Variants in CILP observed in about 807,000 individuals in gnomAD.
The protein encoded by CILP is cartilage intermediate layer protein 1.
CILP carries 75 observed loss-of-function variants against 82.5 expected under a neutral mutation model. The ratio of observed to expected loss-of-function variants is 0.91; its 90% CI spans 0.75 to 1.10. The LOEUF is 1.10. Among genes scored for constraint, CILP ranks in the 50% least tolerant of loss-of-function variants. The pLI is 0.00. For missense variants in CILP, 1,479 were observed against 1,530.8 expected (o/e 0.97, Z 0.56); for synonymous variants, 530 against 580.3 (o/e 0.91, Z 1.25).
chr15:65,211,302 G>T, intron 1 of CILP, 126 bp downstream of exon 1: 1 of 152,616 alleles, frequency 6.6e-6, no homozygotes. Flanking sequence ...GGGAGATGAA[G>T]GATCAGGCAG....
In CILP at chr15:65,197,450, G is replaced by T. The variant is rs1433126495; in HGVS notation, c.2836C>A (p.Pro946Thr). Residue 946 changes from proline to threonine, a missense_variant, in exon 9 of 9, where the codon CCA becomes ACA. Coordinates refer to ENST00000261883, the MANE Select transcript of CILP (RefSeq NM_003613.4). ...CAGGCCCTGAATTCCATCGGCTTTG[G>T]CCACCATGCCAGATAGTCTTCAGTC... The part of the protein sequence containing the change: ...SWTEDYLAWW[P>T]KPMEFRACYI... The T allele has an allele frequency of 1.2e-6, 2 of 1,614,098 alleles. No individual in the cohort carries two copies. The highest frequency in any genetic ancestry group is 1.7e-6 in the Non-Finnish European group (2 of 1,180,048).
chr15:65,208,925 G>A (rs113178347), intron 2 of CILP, among the ~76,000 whole-genome samples: 208 of 152,018 alleles, frequency 1.4e-3, no homozygotes, highest in African/African-American at 4.8e-3. Context: ...CACATACAGG[G>A]GTTGGCTCCA....
intron 7 of CILP, among the ~76,000 whole-genome samples, chr15:65,202,621 T>C (rs995087701): frequency 6.6e-5 from 10 of 151,706 alleles, no homozygotes; most frequent in Non-Finnish European, 1.0e-4. Flanking sequence ...AGATATGGGG[T>C]TTCACCATGT....
In CILP at chr15:65,204,012, G is replaced by A. The variant is rs188255122; in HGVS notation, c.919+256C>T. Among the ~76,000 whole-genome samples the A allele has an allele frequency of 1.1e-4, 17 of 152,368 alleles. No individual in the cohort carries two copies. The East Asian group carries it at 2.9e-3, about 26-fold the overall frequency. ...ATGCAGCAAGCACGAAGGCCCTGAGGCAGGAATGTGCCTGTGTGTTTGAGG... is the reference window on the plus strand; with the variant it reads ...ATGCAGCAAGCACGAAGGCCCTGAGACAGGAATGTGCCTGTGTGTTTGAGG... On this transcript the variant is annotated intron_variant, in intron 6 of 8. Coordinates refer to ENST00000261883, the MANE Select transcript of CILP (RefSeq NM_003613.4).
Position 65,197,365 on chromosome 15 carries a change from C to A in CILP, c.2921G>T (p.Gly974Val). The change falls in exon 9 of 9, where the codon GGG becomes GTG. Residue 974 changes from glycine (G) to valine (V), a missense_variant. Gly to Val is a moderately radical substitution (Grantham distance 109). Transcript: ENST00000261883. The part of the protein sequence containing the change: ...LEVNVRSRNM[G>V]GTHRQTVGKL... ...CCCCACTGTCTGCCGATGAGTGCCC[C>A]CCATGTTGCGGGATCGCACATTCAC... 18 of 1,614,254 alleles carry A rather than the reference C, an allele frequency of 1.1e-5. No homozygotes were observed. The highest frequency in any genetic ancestry group is 1.5e-5 in the Non-Finnish European group (18 of 1,180,048).
At chr15:65,199,578 T>C (rs2088425183) in intron 8 of CILP, among the ~76,000 whole-genome samples, 1 of 152,214 alleles carries the variant, frequency 6.6e-6, no homozygotes, top group Admixed American at 6.5e-5. Flanking sequence ...ATCCCAACAA[T>C]TTGGGAGGCC....
In CILP at chr15:65,198,577, A is replaced by G. The variant is rs766316509; in HGVS notation, c.1709T>C (p.Met570Thr). 1.4e-5 allele frequency: 22 copies of G among 1,614,132 alleles called. No homozygotes were observed. The highest frequency in any genetic ancestry group is 2.2e-5 in the East Asian group (1 of 44,902). ...AGTGATGGGCTTTTTCCGACGAAGC[A>G]TCTTGATTTCATGGAACACGGCACT... The part of the protein sequence containing the change: ...KGSAVFHEIK[M>T]LRRKKPITLE... The change falls in exon 9 of 9, where the codon ATG becomes ACG. Residue 570 changes from methionine to threonine, a missense_variant. By Grantham distance (81) the Met-to-Thr change is moderately conservative. Transcript: ENST00000261883.
In CILP at chr15:65,204,365, G is replaced by C. The variant is rs377719940; in HGVS notation, c.822C>G (p.Ile274Met). The C allele has an allele frequency of 2.5e-6, 4 of 1,614,032 alleles. No individual in the cohort carries two copies. In the African/African-American group the frequency reaches 4.0e-5, roughly 16 times the overall value. Reference protein sequence around the residue: ...IPGLCPDGKSILKITKVKFAP... With the variant: ...IPGLCPDGKSMLKITKVKFAP... ...CAAACTTGACCTTTGTGATCTTCAG[G>C]ATGCTTTTGCCATCAGGGCACAAGC... is the stretch of plus-strand genomic sequence containing the variant. Residue 274 changes from isoleucine to methionine, a missense_variant, in exon 6 of 9, where the codon ATC becomes ATG. Ile to Met is a conservative substitution (Grantham distance 10, BLOSUM62 1). Coordinates refer to ENST00000261883, the MANE Select transcript of CILP (RefSeq NM_003613.4).
At position 65,209,717 on chromosome 15, in the gene CILP, G is replaced by A. The variant is rs752666889; in HGVS notation, c.39C>T (p.Val13=). 12 of 1,613,938 alleles carry A rather than the reference G, an allele frequency of 7.4e-6. No homozygotes were observed. The highest frequency in any genetic ancestry group is 8.5e-6 in the Non-Finnish European group (10 of 1,180,018). ...TACCCAACACAGATGTGACTTCCAG[G>A]ACCAGGAAGGAGAACACCCAGGCCT... ...GTKAWVFSFL[V]LEVTSVLGRQ... The change falls in exon 2 of 9, where the codon GTC becomes GTT. Residue 13 remains valine, a synonymous_variant. Transcript: ENST00000261883.
chr15:65,206,758 G>A (rs751406628), intron 4 of CILP, 24 bp downstream of exon 4: 4 of 1,592,484 alleles, frequency 2.5e-6, no homozygotes, highest in Non-Finnish European at 3.4e-6. Flanking sequence ...AGTAGCGGGT[G>A]GGGGTGGGGG....
chr15:65,202,656 G>A (rs1219143380), intron 7 of CILP, among the ~76,000 whole-genome samples: 1 of 151,948 alleles, frequency 6.6e-6, no homozygotes, highest in Admixed American at 6.6e-5. Flanking sequence ...TCGAACTCCT[G>A]ACCTCAAGTG....
rs941338836 is a variant in CILP, at chr15:65,197,497, T to A, written c.2789A>T (p.Asn930Ile). The A allele has an allele frequency of 4.3e-6, 7 of 1,614,084 alleles. No individual in the cohort carries two copies. In the African/African-American group the frequency reaches 9.3e-5, roughly 22 times the overall value. Residue 930 changes from asparagine to isoleucine, a missense_variant, in exon 9 of 9, where the codon AAC (asparagine) becomes ATC (isoleucine). Coordinates refer to ENST00000261883, the MANE Select transcript of CILP (RefSeq NM_003613.4). ...DRYDYNTVPF[N>I]EDDPMSWTED... ...AGTCCAGCTCATAGGGTCATCTTCG[T>A]TGAAGGGGACTGTGTTGTAGTCATA...
At position 65,207,689 on chromosome 15, in the gene CILP, G is replaced by A; in HGVS notation, c.137C>T (p.Pro46Leu). ...CAACTCACTCTCCAGGGTGTCGGCA[G>A]GCTTGGCAAAGATGCTGGGGTTCTT... The part of the protein sequence containing the change: ...GKKNPSIFAK[P>L]ADTLESPGEW... The change falls in exon 3 of 9, where the codon CCT becomes CTT. Residue 46 changes from proline to leucine, a missense_variant. Physicochemically the swap from Pro to Leu is moderately conservative, Grantham distance 98. Transcript: ENST00000261883. The A allele has an allele frequency of 6.2e-7, 1 of 1,614,170 alleles. No homozygotes were observed. Among genetic ancestry groups the A allele is most frequent in the Non-Finnish European group, 8.5e-7 (1 of 1,180,014 alleles).
At position 65,206,659 on chromosome 15, in the gene CILP, C is replaced by G. The variant is rs561322445; in HGVS notation, c.424+123G>C. 3 of 1,074,168 alleles carry G rather than the reference C, an allele frequency of 2.8e-6. No individual in the cohort carries two copies. In the East Asian group the frequency reaches 7.2e-5, roughly 26 times the overall value. The allele number at this position is 1,074,168 out of a possible 1,614,324, so 66.5% of individuals were successfully genotyped here. On this transcript the variant is annotated intron_variant, in intron 4 of 8. Coordinates refer to ENST00000261883, the MANE Select transcript of CILP (RefSeq NM_003613.4). ...TGTGTGTCACTACTTGTTATTATTACAGAGTCCAAGCATACGCATGTGTGT... is the reference window on the plus strand; with the variant it reads ...TGTGTGTCACTACTTGTTATTATTAGAGAGTCCAAGCATACGCATGTGTGT...
Position 65,205,392 on chromosome 15 carries a change from G to A in CILP, c.499C>T (p.Gln167Ter), listed in dbSNP as rs757308888. ...CGTGTGCGAGTCTGGACCCCAGTCT[G>A]ACCACAGGCAGCTGAGCACTTGCTC... ...PWSKCSAACG[Q>*]TGVQTRTRIC... The change falls in exon 5 of 9, where the codon CAG (glutamine) becomes TAG (stop). Residue 167 changes from glutamine to a stop codon, truncating the protein, a stop_gained. Coordinates refer to ENST00000261883, the MANE Select transcript of CILP (RefSeq NM_003613.4). LOFTEE classifies it high-confidence loss of function. 1.2e-6 allele frequency: 2 copies of A among 1,614,086 alleles called. No homozygotes were observed. The highest frequency in any genetic ancestry group is 1.7e-6 in the Non-Finnish European group (2 of 1,180,032).
At chr15:65,203,494 C>T in intron 6 of CILP, 24 bp from the exon 7 acceptor site, 3 of 1,585,134 alleles carry the variant, frequency 1.9e-6, no homozygotes, top group Non-Finnish European at 2.6e-6. Flanking sequence ...TGAGAAATAG[C>T]ATTTTGGGTT....
chr15:65,205,038 CAA>C (rs2140680239), intron 5 of CILP, among the ~76,000 whole-genome samples: 1 of 152,148 alleles, frequency 6.6e-6, no homozygotes, highest in South Asian at 2.1e-4. Context: ...ACAACAACAA[CAA>C]CTTAGCCCAA....
intron 3 of CILP, among the ~76,000 whole-genome samples, chr15:65,207,364 G>C (rs1032679172): frequency 6.6e-6 from 1 of 152,126 alleles, no homozygotes; most frequent in Non-Finnish European, 1.5e-5. Context: ...AGATCGTCTA[G>C]CTAGGCATTC....
chr15:65,201,452 G>C (rs1160726207), intron 8 of CILP, among the ~76,000 whole-genome samples: 3 of 152,116 alleles, frequency 2.0e-5, no homozygotes. Flanking sequence ...GCCTGAGCTT[G>C]GCCAGGCACG....
Sources: gnomAD v4.1 joint callset for allele counts (sites outside exome capture counted in the v4.1 genomes callset) on GRCh38, gnomAD v4.1.1 for gene constraint, MANE v1.5 for transcripts, NCBI Gene and HGNC (gene_info 2026-07-23, HGNC 2026-07-21) for gene names.